ELAVL4: variants seen among roughly 807,000 people sequenced by gnomAD.
ELAVL4 encodes ELAV-like protein 4.
In ELAVL4, 1 loss-of-function variant was observed where a neutral mutation model predicts 35.6. The ratio of observed to expected loss-of-function variants is 0.03; its 90% CI spans 0.01 to 0.13. The LOEUF (loss-of-function observed/expected upper bound fraction) is 0.13, where lower values mean the gene tolerates loss of function less well. Ranked by LOEUF, ELAVL4 falls within the 10% of genes least tolerant of loss-of-function variation. ELAVL4 has a pLI of 1.00. For missense variants in ELAVL4, 267 were observed against 464.9 expected (o/e 0.57, Z 3.91); for synonymous variants, 156 against 171.0 (o/e 0.91, Z 0.69).
chr1:50,119,602 G>C (rs1668678479), intron 1 of ELAVL4, among the ~76,000 whole-genome samples: 2 of 151,976 alleles, frequency 1.3e-5, no homozygotes, highest in Admixed American at 6.6e-5. Flanking sequence ...AACTGCTTTA[G>C]TAAGAACTAT....
At chr1:50,126,833 A>G (rs187210285) in intron 1 of ELAVL4, among the ~76,000 whole-genome samples, 413 of 152,238 alleles carry the variant, frequency 2.7e-3, no homozygotes, top group Non-Finnish European at 4.0e-3. Flanking sequence ...TAAGAATAAA[A>G]GAATGATTTT....
At chr1:50,173,686 C>T (rs1040200249) in intron 2 of ELAVL4, among the ~76,000 whole-genome samples, 4 of 152,090 alleles carry the variant, frequency 2.6e-5, no homozygotes, top group African/African-American at 9.7e-5. Flanking sequence ...TGATGATTTC[C>T]TTTTTATTTG....
Position 50,057,265 on chromosome 1 carries a change from T to C in ELAVL4, c.18+9083T>C, listed in dbSNP as rs144231810. ...GAAAGAAAATATTTGTGTACAGCTG[T>C]ACATGTGTTTGTGTTTTCAGCTAAG... On this transcript the variant is annotated intron_variant, in intron 1 of 6. Transcript: ENST00000448907. 4.9e-3 allele frequency among the ~76,000 whole-genome samples: 740 copies of C among 152,234 alleles called. 3 individuals are homozygous for C. Among genetic ancestry groups the C allele is most frequent in the Middle Eastern group, 0.014 (4 of 292 alleles).
At chr1:50,103,824 G>A (rs1666111726), upstream of ELAVL4, 2 of 1,373,244 alleles carry the variant, frequency 1.5e-6, no homozygotes, top group Admixed American at 2.1e-5. Context: ...CAATTGAGGG[G>A]CAAGAAGAGG....
chr1:50,149,731 A>G (rs1220105262), intron 2 of ELAVL4, among the ~76,000 whole-genome samples: 1 of 151,864 alleles, frequency 6.6e-6, no homozygotes, highest in African/African-American at 2.4e-5. Context: ...TTTAGTAGAG[A>G]CAGGGTTTCA....
chr1:50,058,691 G>T (rs1384241203), intron 1 of ELAVL4, among the ~76,000 whole-genome samples: 1 of 150,852 alleles, frequency 6.6e-6, no homozygotes, highest in Non-Finnish European at 1.5e-5. Flanking sequence ...AGGACTTACT[G>T]CAGCCTCCAC....
chr1:50,190,060 C>A (rs1157809905), intron 3 of ELAVL4, among the ~76,000 whole-genome samples: 1 of 152,214 alleles, frequency 6.6e-6, no homozygotes, highest in Non-Finnish European at 1.5e-5. Flanking sequence ...CTTTGAGCCA[C>A]CCCTACCCAG....
chr1:50,140,567 T>A (rs1672653568), intron 1 of ELAVL4, among the ~76,000 whole-genome samples: 1 of 152,248 alleles, frequency 6.6e-6, no homozygotes, highest in Non-Finnish European at 1.5e-5. Context: ...CATTCACATG[T>A]CAGATTTGAT....
At chr1:50,195,245 G>T (rs1048902337) in intron 4 of ELAVL4, among the ~76,000 whole-genome samples, 1 of 152,232 alleles carries the variant, frequency 6.6e-6, no homozygotes, top group African/African-American at 2.4e-5. Context: ...GAGAAGACTA[G>T]AAACTGGACA....
intron 2 of ELAVL4, among the ~76,000 whole-genome samples, chr1:50,169,789 C>T: frequency 6.6e-6 from 1 of 152,164 alleles, no homozygotes; most frequent in Non-Finnish European, 1.5e-5. Context: ...CCCTACTCTA[C>T]TCAGTCAGAA....
chr1:50,192,515 G>GCACACACACACACA (rs1220189674), intron 3 of ELAVL4, among the ~76,000 whole-genome samples: 1 of 80,246 alleles, frequency 1.2e-5, no homozygotes, highest in Non-Finnish European at 2.6e-5. Flanking sequence ...GCTTTTGTGT[G>GCACACACACACACA]CACGCACACA....
chr1:50,075,409 C>T (rs1201085420), intron 1 of ELAVL4, among the ~76,000 whole-genome samples: 1 of 152,160 alleles, frequency 6.6e-6, no homozygotes, highest in Non-Finnish European at 1.5e-5. Context: ...ATACCATTTT[C>T]ATTTTATTGG....
intron 1 of ELAVL4, among the ~76,000 whole-genome samples, chr1:50,062,926 T>C (rs1418361963): frequency 6.6e-6 from 1 of 152,198 alleles, no homozygotes; most frequent in African/African-American, 2.4e-5. Context: ...TACCAACCCA[T>C]ATTTATCTAG....
chr1:50,145,221 G>A (rs1673484539), intron 2 of ELAVL4, 24 bp downstream of exon 2: 2 of 1,612,910 alleles, frequency 1.2e-6, no homozygotes, highest in East Asian at 2.2e-5. Flanking sequence ...TTGAAGCTAT[G>A]TTGTTCCATT....
chr1:50,192,149 A>G (rs913712224), intron 3 of ELAVL4, among the ~76,000 whole-genome samples: 4 of 152,192 alleles, frequency 2.6e-5, no homozygotes, highest in African/African-American at 9.7e-5. Flanking sequence ...TGTGCTGAGA[A>G]GGAGCCCACA....
chr1:50,102,602 C>G (rs1007437559), upstream of ELAVL4, among the ~76,000 whole-genome samples: 1 of 152,110 alleles, frequency 6.6e-6, no homozygotes, highest in Non-Finnish European at 1.5e-5. Flanking sequence ...ATTTATTAAA[C>G]TGACCAAACA....
At chr1:50,185,802 C>A (rs138997957) in intron 3 of ELAVL4, among the ~76,000 whole-genome samples, 1 of 152,070 alleles carries the variant, frequency 6.6e-6, no homozygotes, top group South Asian at 2.1e-4. Context: ...TACTAAGATT[C>A]GGGCAACATA....
chr1:50,127,491 C>T (rs1157496605), intron 1 of ELAVL4, among the ~76,000 whole-genome samples: 2 of 152,050 alleles, frequency 1.3e-5, no homozygotes, highest in Non-Finnish European at 2.9e-5. Flanking sequence ...TATGCAAAGA[C>T]ATGGAAGGGA....
At chr1:50,162,096 G>A (rs1328578721) in intron 2 of ELAVL4, among the ~76,000 whole-genome samples, 1 of 152,162 alleles carries the variant, frequency 6.6e-6, no homozygotes, top group Non-Finnish European at 1.5e-5. Flanking sequence ...TTCAGATCTT[G>A]GAATCTGAGG....
Sources: allele counts gnomAD v4.1 joint callset (sites outside exome capture counted in the v4.1 genomes callset), GRCh38; gene constraint gnomAD v4.1.1; transcripts MANE v1.5; gene names NCBI Gene and HGNC (gene_info 2026-07-23, HGNC 2026-07-21).